ACVR1: variants seen among roughly 807,000 people sequenced by gnomAD.
The protein encoded by ACVR1 is activin A receptor type 1, also known as activin receptor type-1.
In ACVR1, 38 loss-of-function variants were observed where a neutral mutation model predicts 57.1. That is an observed-to-expected ratio of 0.67 (90% CI 0.51 to 0.87). The LOEUF is 0.87. Among genes scored for constraint, ACVR1 ranks in the 40% least tolerant of loss-of-function variants. The probability of loss-of-function intolerance (pLI) is 0.00; values close to 1 mark genes in which losing one functional copy is unlikely to be tolerated. For synonymous variants in ACVR1, 212 were observed against 228.1 expected (o/e 0.93, Z 0.63); for missense variants, 463 against 638.2 (o/e 0.73, Z 2.96).
intron 2 of ACVR1, among the ~76,000 whole-genome samples, chr2:157,815,537 A>C (rs1687904504): frequency 6.6e-6 from 1 of 152,232 alleles, no homozygotes; most frequent in Non-Finnish European, 1.5e-5. Flanking sequence ...AACAATTTTA[A>C]CCCTGTTTCA....
intron 1 of ACVR1, among the ~76,000 whole-genome samples, chr2:157,828,139 A>G (rs1477052817): frequency 4.0e-5 from 6 of 151,668 alleles, no homozygotes; most frequent in Admixed American, 3.9e-4. Flanking sequence ...ACATGGCAAA[A>G]CCTCGTCTCT....
At chr2:157,775,756 G>A (rs1009560207) in intron 5 of ACVR1, among the ~76,000 whole-genome samples, 6 of 152,118 alleles carry the variant, frequency 3.9e-5, no homozygotes, top group Non-Finnish European at 8.8e-5. Context: ...TTAAACTAAT[G>A]TGTTATTTTT....
At chr2:157,810,098 C>A (rs1345126493) in intron 2 of ACVR1, among the ~76,000 whole-genome samples, 1 of 152,064 alleles carries the variant, frequency 6.6e-6, no homozygotes, top group African/African-American at 2.4e-5. Context: ...AAAATTAAAA[C>A]TAAAAATAAA....
At chr2:157,745,702 A>C (rs1684941061) in intron 9 of ACVR1, among the ~76,000 whole-genome samples, 1 of 152,232 alleles carries the variant, frequency 6.6e-6, no homozygotes, top group South Asian at 2.1e-4. Context: ...TGAATACAAA[A>C]AATTGGCCCT....
intron 1 of ACVR1, among the ~76,000 whole-genome samples, chr2:157,839,262 G>T (rs112527988): frequency 1.3e-5 from 2 of 152,112 alleles, no homozygotes; most frequent in African/African-American, 4.8e-5. Context: ...CTCGGGTCTC[G>T]CCTTTCTATT....
intron 1 of ACVR1, among the ~76,000 whole-genome samples, chr2:157,843,218 G>A (rs1689030891): frequency 6.6e-6 from 1 of 152,126 alleles, no homozygotes; most frequent in Non-Finnish European, 1.5e-5. Context: ...ATACCATAGA[G>A]CCAGACTGCA....
chr2:157,741,143 T>C (rs191698277), intron 9 of ACVR1, among the ~76,000 whole-genome samples: 47 of 152,288 alleles, frequency 3.1e-4, no homozygotes, highest in Non-Finnish European at 6.2e-4. Context: ...GACAAGTCTC[T>C]CATTTTTTTT....
chr2:157,782,616 T>G (rs185558271), intron 3 of ACVR1, among the ~76,000 whole-genome samples: 2 of 152,176 alleles, frequency 1.3e-5, no homozygotes, highest in African/African-American at 4.8e-5. Flanking sequence ...CTAGACATGC[T>G]TGCCACTCTT....
At chr2:157,864,070 G>T (rs1378003287) in intron 1 of ACVR1, among the ~76,000 whole-genome samples, 1 of 151,580 alleles carries the variant, frequency 6.6e-6, no homozygotes, top group Admixed American at 6.6e-5. Flanking sequence ...CACCATGTTA[G>T]TCAGGATGGT....
intron 1 of ACVR1, among the ~76,000 whole-genome samples, chr2:157,825,941 T>C (rs1466925926): frequency 1.3e-5 from 2 of 152,194 alleles, no homozygotes; most frequent in Non-Finnish European, 2.9e-5. Context: ...TTTCTGTCTG[T>C]TTGGCTCAGC....
chr2:157,776,624 G>A (rs1286637070), intron 5 of ACVR1, among the ~76,000 whole-genome samples: 1 of 152,214 alleles, frequency 6.6e-6, no homozygotes, highest in Non-Finnish European at 1.5e-5. Context: ...CCCAGTGATG[G>A]ATGGGGCAGG....
intron 1 of ACVR1, among the ~76,000 whole-genome samples, chr2:157,858,423 T>A (rs994152742): frequency 6.6e-6 from 1 of 152,122 alleles, no homozygotes; most frequent in Non-Finnish European, 1.5e-5. Context: ...CTCATCTGTA[T>A]CTAGCCCTTT....
chr2:157,817,174 G>A (rs2105327647), intron 2 of ACVR1, among the ~76,000 whole-genome samples: 1 of 151,996 alleles, frequency 6.6e-6, no homozygotes, highest in Non-Finnish European at 1.5e-5. Flanking sequence ...TGTTTTCCAG[G>A]CTGGTCTCAA....
intron 2 of ACVR1, among the ~76,000 whole-genome samples, chr2:157,804,093 T>C (rs1047355554): frequency 2.0e-5 from 3 of 152,180 alleles, no homozygotes; most frequent in Admixed American, 6.5e-5. Flanking sequence ...AAATCCAGTA[T>C]CACACATATC....
intron 2 of ACVR1, chr2:157,807,031 G>T (rs1466006374): frequency 6.6e-6 from 1 of 152,154 alleles, no homozygotes; most frequent in East Asian, 1.9e-4. Flanking sequence ...GATTATTTCA[G>T]GAAAGAATGG....
At chr2:157,745,520 T>A (rs1684933513) in intron 9 of ACVR1, among the ~76,000 whole-genome samples, 1 of 152,206 alleles carries the variant, frequency 6.6e-6, no homozygotes, top group Admixed American at 6.5e-5. Flanking sequence ...GCCTTCAACT[T>A]ATTTTGTCAT....
rs78787744 is a variant in ACVR1 at position 157,785,181 on chromosome 2, T to G, written c.68-4581A>C. 1.9e-3 allele frequency among the ~76,000 whole-genome samples: 284 copies of G among 152,326 alleles called. 3 individuals carry two copies. The highest frequency in any genetic ancestry group is 3.4e-3 in the Middle Eastern group (1 of 294). ...GGGCAGCAAAAGGAACAGGCTGAAT[T>G]TTTTACAAGTTCACCTCAAAGTAGT... On this transcript the variant is annotated intron_variant, in intron 3 of 10. Transcript: ENST00000434821.
At chr2:157,784,891 T>C (rs1056469567) in intron 3 of ACVR1, among the ~76,000 whole-genome samples, 4 of 152,248 alleles carry the variant, frequency 2.6e-5, no homozygotes, top group Non-Finnish European at 4.4e-5. Flanking sequence ...TTAAAAACTG[T>C]CCACAATTTG....
At chr2:157,769,111 T>C (rs1442158644) in intron 7 of ACVR1, among the ~76,000 whole-genome samples, 1 of 152,138 alleles carries the variant, frequency 6.6e-6, no homozygotes, top group Non-Finnish European at 1.5e-5. Context: ...AAAAGGATAG[T>C]GAGTGATCAA....
Sources: allele counts gnomAD v4.1 joint callset (sites outside exome capture counted in the v4.1 genomes callset), GRCh38; gene constraint gnomAD v4.1.1; transcripts MANE v1.5; gene names NCBI Gene and HGNC (gene_info 2026-07-23, HGNC 2026-07-21).